VWA8: variants seen among roughly 807,000 people sequenced by gnomAD.
The protein encoded by VWA8 is von Willebrand factor A domain containing 8, also known as von Willebrand factor A domain-containing protein 8.
In VWA8, 221 loss-of-function variants were observed where a neutral mutation model predicts 241.5. That is an observed-to-expected ratio of 0.91 (90% CI 0.82 to 1.02). The LOEUF (loss-of-function observed/expected upper bound fraction) is 1.02, where lower values mean the gene tolerates loss of function less well. Among genes scored for constraint, VWA8 ranks in the 50% least tolerant of loss-of-function variants. The probability of loss-of-function intolerance (pLI) is 0.00; values close to 1 mark genes in which losing one functional copy is unlikely to be tolerated. For synonymous variants in VWA8, 852 were observed against 827.1 expected (o/e 1.03, Z -0.52); for missense variants, 2,322 against 2,328.7 (o/e 1.00, Z 0.06).
At chr13:41,628,675 G>A (rs1389950635) in intron 37 of VWA8, among the ~76,000 whole-genome samples, 1 of 152,146 alleles carries the variant, frequency 6.6e-6, no homozygotes, top group Non-Finnish European at 1.5e-5. Flanking sequence ...AATTAATGCA[G>A]GAACAGAAAG....
chr13:41,811,167 T>C (rs1387563588), intron 17 of VWA8, 58 bp downstream of exon 17: 2 of 1,418,372 alleles, frequency 1.4e-6, no homozygotes, highest in East Asian at 2.3e-5. Context: ...GTTAAACTTA[T>C]CTTATAGTTT....
At chr13:41,804,555 G>A (rs1278991438) in intron 17 of VWA8, among the ~76,000 whole-genome samples, 1 of 151,928 alleles carries the variant, frequency 6.6e-6, no homozygotes, top group Non-Finnish European at 1.5e-5. Flanking sequence ...AAATTAATGA[G>A]CAGTAAGAAA....
At chr13:41,684,509 AT>A (rs1429960638) in intron 35 of VWA8, among the ~76,000 whole-genome samples, 1 of 152,144 alleles carries the variant, frequency 6.6e-6, no homozygotes, top group Admixed American at 6.5e-5. Flanking sequence ...TGGGCCAGTT[AT>A]TTTAGTTCTG....
At chr13:41,796,170 T>C (rs1356508589) in intron 17 of VWA8, among the ~76,000 whole-genome samples, 1 of 152,174 alleles carries the variant, frequency 6.6e-6, no homozygotes, top group African/African-American at 2.4e-5. Context: ...AATTTTCCTT[T>C]CATAAATTAT....
chr13:41,650,578 A>T (rs1484335599), intron 37 of VWA8, among the ~76,000 whole-genome samples: 1 of 152,226 alleles, frequency 6.6e-6, no homozygotes, highest in Admixed American at 6.5e-5. Flanking sequence ...GGGACCTCGT[A>T]AAAGCTTTAA....
At chr13:41,721,959 T>A (rs912056689) in intron 24 of VWA8, among the ~76,000 whole-genome samples, 12 of 152,180 alleles carry the variant, frequency 7.9e-5, no homozygotes, top group East Asian at 1.9e-4. Context: ...GCACTTTTTT[T>A]AAAAAAATGC....
intron 13 of VWA8, among the ~76,000 whole-genome samples, chr13:41,831,935 T>G (rs1028282628): frequency 1.3e-4 from 19 of 149,390 alleles, no homozygotes. Context: ...CAGCATTTTT[T>G]TTTTCTTTTT....
intron 21 of VWA8, among the ~76,000 whole-genome samples, chr13:41,746,787 T>A (rs2045610404): frequency 6.6e-6 from 1 of 152,208 alleles, no homozygotes; most frequent in Non-Finnish European, 1.5e-5. Context: ...TACTTTGGGA[T>A]CAAGCTGAGC....
intron 2 of VWA8, among the ~76,000 whole-genome samples, chr13:41,948,299 T>G (rs1315867718): frequency 6.6e-6 from 1 of 151,960 alleles, no homozygotes; most frequent in Non-Finnish European, 1.5e-5. Context: ...ATGTCCAAAA[T>G]AGACAAATCT....
At chr13:41,835,926 G>A (rs751715958) in intron 12 of VWA8, among the ~76,000 whole-genome samples, 5 of 152,082 alleles carry the variant, frequency 3.3e-5, no homozygotes, top group Non-Finnish European at 7.4e-5. Flanking sequence ...ACAGTTTAGC[G>A]CAGTGGTTCA....
intron 35 of VWA8, 115 bp downstream of exon 35, chr13:41,684,932 G>A (rs970732415): frequency 5.4e-5 from 51 of 952,022 alleles, no homozygotes; most frequent in Non-Finnish European, 7.8e-5. Flanking sequence ...TAAACTTGTC[G>A]GAATGATCAA....
At chr13:41,865,278 G>A in intron 12 of VWA8, 1 of 370,026 alleles carries the variant, frequency 2.7e-6, no homozygotes, top group Non-Finnish European at 5.3e-6. Context: ...GGTAATTAAG[G>A]TGTCAATTAC....
chr13:41,762,991 A>AGGC (rs1280650995), intron 20 of VWA8, among the ~76,000 whole-genome samples: 5 of 152,066 alleles, frequency 3.3e-5, no homozygotes, highest in Non-Finnish European at 7.4e-5. Flanking sequence ...AGAACGGGCC[A>AGGC]GGCGCATGAC....
intron 3 of VWA8, among the ~76,000 whole-genome samples, chr13:41,909,774 A>C (rs1476456032): frequency 6.6e-6 from 1 of 152,264 alleles, no homozygotes; most frequent in African/African-American, 2.4e-5. Flanking sequence ...GCATGAGTAC[A>C]TTCACAAACA....
intron 2 of VWA8, among the ~76,000 whole-genome samples, chr13:41,921,362 C>A (rs1041153815): frequency 1.3e-5 from 2 of 152,204 alleles, no homozygotes; most frequent in Non-Finnish European, 2.9e-5. Context: ...GAAGCATTCC[C>A]TTTGAAAACT....
intron 17 of VWA8, among the ~76,000 whole-genome samples, chr13:41,808,194 G>A (rs1469848654): frequency 1.3e-5 from 2 of 151,688 alleles, no homozygotes; most frequent in Admixed American, 6.6e-5. Context: ...AGTATAGAAG[G>A]AACATACCTC....
chr13:41,609,226 A>G (rs2044571783), intron 39 of VWA8, among the ~76,000 whole-genome samples: 1 of 152,114 alleles, frequency 6.6e-6, no homozygotes, highest in Admixed American at 6.6e-5. Context: ...AAGAGTGATA[A>G]GAGTTGTGGA....
chr13:41,640,505 GTCTAGCAAGAAAAAGCAATCA>G (rs2044788764), intron 37 of VWA8, among the ~76,000 whole-genome samples: 1 of 152,168 alleles, frequency 6.6e-6, no homozygotes, highest in Non-Finnish European at 1.5e-5. Context: ...AAATAAATCA[GTCTAGCAAGAAAAAGCAATCA>G]TTCAGAGTGT....
chr13:41,660,053 A>T (rs1364640919), intron 37 of VWA8, among the ~76,000 whole-genome samples: 1 of 152,158 alleles, frequency 6.6e-6, no homozygotes, highest in African/African-American at 2.4e-5. Flanking sequence ...TTTGGGCTCT[A>T]GCCTTCCCAT....
Sources: allele counts gnomAD v4.1 joint callset (sites outside exome capture counted in the v4.1 genomes callset), GRCh38; gene constraint gnomAD v4.1.1; transcripts MANE v1.5; gene names NCBI Gene and HGNC (gene_info 2026-07-23, HGNC 2026-07-21).